The following HPSE2 variants were observed in gnomAD, a reference collection of about 807,000 sequenced individuals.
The protein encoded by HPSE2 is heparanase 2 (inactive).
Under a neutral mutation model 60.5 loss-of-function variants are expected in HPSE2, and 38 were observed. The ratio of observed to expected loss-of-function variants is 0.63; its 90% CI spans 0.48 to 0.82. The LOEUF (loss-of-function observed/expected upper bound fraction) is 0.82. Among genes scored for constraint, HPSE2 ranks in the 40% least tolerant of loss-of-function variants. The probability of loss-of-function intolerance (pLI) is 0.00; values close to 1 mark genes in which losing one functional copy is unlikely to be tolerated. For missense variants in HPSE2, 713 were observed against 740.4 expected, an observed-to-expected ratio of 0.96 and a Z score of 0.43; for synonymous variants, 295 against 293.2, an observed-to-expected ratio of 1.01 and a Z score of -0.06.
chr10:98,462,600 G>A (rs1209109537), intron 11 of HPSE2, among the ~76,000 whole-genome samples: 1 of 152,192 alleles, frequency 6.6e-6, no homozygotes, highest in Middle Eastern at 3.4e-3. Context: ...CTCTCCCCTT[G>A]GCTCCCATGA....
At chr10:98,600,888 T>G (rs1250842041) in intron 9 of HPSE2, among the ~76,000 whole-genome samples, 1 of 116,642 alleles carries the variant, frequency 8.6e-6, no homozygotes, top group African/African-American at 3.2e-5. Flanking sequence ...TATATACATA[T>G]ATACGTATAT....
intron 3 of HPSE2, among the ~76,000 whole-genome samples, chr10:98,894,357 G>T (rs1446622752): frequency 1.3e-5 from 2 of 152,096 alleles, no homozygotes; most frequent in African/African-American, 4.8e-5. Flanking sequence ...TGTTTTCTAT[G>T]TTTAATGATA....
intron 3 of HPSE2, among the ~76,000 whole-genome samples, chr10:99,036,482 T>C (rs1414502078): frequency 6.6e-6 from 1 of 152,142 alleles, no homozygotes; most frequent in Non-Finnish European, 1.5e-5. Context: ...AATATTAGTA[T>C]TGAATCACTA....
intron 3 of HPSE2, among the ~76,000 whole-genome samples, chr10:99,023,176 G>A (rs11189941): frequency 0.47 from 70,741 of 151,878 alleles, 18,531 homozygotes; most frequent in Non-Finnish European, 0.6. Flanking sequence ...TTAAGAGCCC[G>A]TGGGTCTTAA....
At chr10:98,510,804 G>A (rs371422027) in intron 9 of HPSE2, among the ~76,000 whole-genome samples, 4 of 152,170 alleles carry the variant, frequency 2.6e-5, no homozygotes, top group South Asian at 2.1e-4. Flanking sequence ...ATGGAGGGCC[G>A]CAGGGCCAAA....
Position 99,111,197 on chromosome 10 carries a change from C to T in HPSE2, c.610+33041G>A, listed in dbSNP as rs564966846. ...TTTGTCTATTCTTTCACCAATACCACGTGGTCTTGATTATTGTCATTTTAT... is the reference window on the plus strand; with the variant it reads ...TTTGTCTATTCTTTCACCAATACCATGTGGTCTTGATTATTGTCATTTTAT... On this transcript the variant is annotated intron_variant, in intron 3 of 11. Transcript: ENST00000370552. Among the ~76,000 whole-genome samples the T allele has an allele frequency of 4.6e-5, 7 of 152,218 alleles. No homozygotes were observed. In the South Asian group the frequency reaches 1.0e-3, roughly 23 times the overall value.
chr10:99,280,788 A>G, the HPSE2 span, among the ~76,000 whole-genome samples: 1 of 151,724 alleles, frequency 6.6e-6, no homozygotes, highest in Non-Finnish European at 1.5e-5. Flanking sequence ...TCAAATCCAG[A>G]CTCCTCCATT....
At chr10:98,465,192 A>G (rs1256038134) in intron 11 of HPSE2, among the ~76,000 whole-genome samples, 1 of 152,256 alleles carries the variant, frequency 6.6e-6, no homozygotes, top group Non-Finnish European at 1.5e-5. Context: ...GATACATTGA[A>G]CAGCTTGTAA....
intron 3 of HPSE2, among the ~76,000 whole-genome samples, chr10:98,913,939 C>T (rs996274488): frequency 2.0e-5 from 3 of 152,066 alleles, no homozygotes; most frequent in Non-Finnish European, 4.4e-5. Flanking sequence ...AGCACTCATA[C>T]GCTTTTTCTC....
intron 3 of HPSE2, among the ~76,000 whole-genome samples, chr10:98,998,106 C>G (rs1048130579): frequency 9.2e-5 from 14 of 152,120 alleles, no homozygotes; most frequent in African/African-American, 3.4e-4. Context: ...ACACTACATA[C>G]AAGTTTAGCT....
chr10:99,169,442 T>C lies in HPSE2; in HGVS notation c.449-25043A>G, dbSNP rs549725104. Among the ~76,000 whole-genome samples, 641 of 130,596 alleles carry C rather than the reference T, an allele frequency of 4.9e-3. 4 individuals carry two copies. Among genetic ancestry groups the C allele is most frequent in the African/African-American group, 0.019 (616 of 32,908 alleles). The allele number at this position is 130,596 out of a possible 152,430, so 85.7% of individuals were successfully genotyped here. A position where few individuals can be genotyped will look rare whatever the true frequency, so the allele number is the denominator to read the frequency against. ...ATTCCTTGAACCCGGGAGGTGGAGG[T>C]TGCAGTGAGCCAAGATGGCACCACT... On this transcript the variant is annotated intron_variant, in intron 2 of 11. Transcript: ENST00000370552.
At chr10:99,292,310 A>G in the HPSE2 span, among the ~76,000 whole-genome samples, 1 of 152,254 alleles carries the variant, frequency 6.6e-6, no homozygotes, top group Non-Finnish European at 1.5e-5. Flanking sequence ...CATTCATCAA[A>G]TAAATATGTT....
At chr10:99,275,093 C>T in the HPSE2 span, among the ~76,000 whole-genome samples, 2 of 152,184 alleles carry the variant, frequency 1.3e-5, no homozygotes, top group African/African-American at 2.4e-5. Flanking sequence ...GTTACTGTAG[C>T]AAGTGAGTGA....
chr10:98,536,837 T>A (rs1289702000), intron 9 of HPSE2, among the ~76,000 whole-genome samples: 1 of 151,926 alleles, frequency 6.6e-6, no homozygotes, highest in Admixed American at 6.6e-5. Flanking sequence ...ATAAACCACA[T>A]TCAAGGGACT....
chr10:99,064,088 T>C (rs1167169039), intron 3 of HPSE2, among the ~76,000 whole-genome samples: 1 of 152,114 alleles, frequency 6.6e-6, no homozygotes, highest in Non-Finnish European at 1.5e-5. Context: ...TGAGACTCCG[T>C]CTCAAAAAAC....
chr10:99,259,715 T>G, the HPSE2 span, among the ~76,000 whole-genome samples: 1 of 152,138 alleles, frequency 6.6e-6, no homozygotes, highest in African/African-American at 2.4e-5. Context: ...CACAGACTGG[T>G]ATCAGTATGG....
At chr10:98,635,063 T>C (rs542047171) in intron 7 of HPSE2, among the ~76,000 whole-genome samples, 34 of 152,318 alleles carry the variant, frequency 2.2e-4, no homozygotes, top group African/African-American at 7.9e-4. Context: ...TTTTCCCCAC[T>C]GGACCATAAA....
chr10:99,213,717 G>C (rs897465600), intron 2 of HPSE2, among the ~76,000 whole-genome samples: 3 of 152,198 alleles, frequency 2.0e-5, no homozygotes, highest in East Asian at 3.9e-4. Flanking sequence ...GGGCAGAGGT[G>C]GGGGAGCATG....
At chr10:98,774,100 T>A (rs961507901) in intron 3 of HPSE2, among the ~76,000 whole-genome samples, 1 of 152,020 alleles carries the variant, frequency 6.6e-6, no homozygotes, top group Non-Finnish European at 1.5e-5. Flanking sequence ...AAAATTTGGA[T>A]CAACTTTTGG....
Sources: gnomAD v4.1 joint callset for allele counts (sites outside exome capture counted in the v4.1 genomes callset) on GRCh38, gnomAD v4.1.1 for gene constraint, MANE v1.5 for transcripts, NCBI Gene and HGNC (gene_info 2026-07-23, HGNC 2026-07-21) for gene names.